APEH: variants seen among roughly 807,000 people sequenced by gnomAD.
APEH encodes acylaminoacyl-peptide hydrolase.
A neutral mutation model predicts 102.7 loss-of-function variants in APEH; 75 were observed. That is an observed-to-expected ratio of 0.73 (90% CI 0.61 to 0.89). The LOEUF (loss-of-function observed/expected upper bound fraction) is 0.89, where lower values mean the gene tolerates loss of function less well. Among genes scored for constraint, APEH ranks in the 40% least tolerant of loss-of-function variants. APEH has a pLI of 0.00. For missense variants in APEH, 863 were observed against 941.2 expected (o/e 0.92, Z 1.09); for synonymous variants, 344 against 362.7 (o/e 0.95, Z 0.59).
At chr3:49,678,970 TGAG>T in intron 12 of APEH, 21 bp downstream of exon 12, 1 of 1,602,806 alleles carries the variant, frequency 6.2e-7, no homozygotes, top group South Asian at 1.1e-5. Flanking sequence ...CTGATTGTGT[TGAG>T]GGGCAGCCCC....
chr3:49,675,129 C>CA, intron 2 of APEH, 54 bp from the exon 3 acceptor site: 5 of 1,610,634 alleles, frequency 3.1e-6, no homozygotes, highest in Non-Finnish European at 4.2e-6. Context: ...GGGCTGGGGG[C>CA]AGTAGCCAGG....
chr3:49,682,496 A>G, intron 18 of APEH, 50 bp from the exon 19 acceptor site: 1 of 1,612,818 alleles, frequency 6.2e-7, no homozygotes. Context: ...GGATGCCTCC[A>G]TTCAGCTGAG....
upstream of APEH, chr3:49,674,174 AC>A (rs2052900306): frequency 1.8e-6 from 1 of 565,644 alleles, no homozygotes. Context: ...CCCTGGCGAG[AC>A]CCCTGCTCTC....
At chr3:49,674,337 C>T (rs1380497472), upstream of APEH, 30 of 1,522,380 alleles carry the variant, frequency 2.0e-5, no homozygotes, top group South Asian at 3.4e-4. Flanking sequence ...CCAGGCTCCG[C>T]CCCCGGAAGC....
chr3:49,679,611 A>G lies in APEH; in HGVS notation c.1177A>G (p.Thr393Ala), dbSNP rs2108124224. The G allele has an allele frequency of 6.2e-7, 1 of 1,613,864 alleles. No individual in the cohort carries two copies. Among genetic ancestry groups the G allele is most frequent in the Non-Finnish European group, 8.5e-7 (1 of 1,179,844 alleles). ...RSRQDLFAVD[T>A]QVGTVTSLTA... ...GCTTCAGGACCTGTTTGCTGTGGAC[A>G]CCCAAGTGGGCACTGTGACCTCCCT... The change falls in exon 13 of 22, where the codon ACC becomes GCC. Residue 393 changes from threonine to alanine, a missense_variant. By Grantham distance (58) the Thr-to-Ala change is moderately conservative. Transcript: ENST00000296456. This position sits in a 1 kb window ranked among gnomAD's most constrained non-coding sequence, Gnocchi z 4.3.
rs536215574 is a variant in APEH, at chr3:49,683,902, G to C, written c.*560G>C. The C allele has an allele frequency of 1.3e-5, 18 of 1,431,356 alleles. No homozygotes were observed. In the South Asian group the frequency reaches 2.5e-4, roughly 20 times the overall value. 88.7% of individuals were successfully genotyped at this position (1,431,356 alleles called of 1,614,324 possible). On this transcript the variant is annotated 3_prime_UTR_variant, in exon 22 of 22. Coordinates refer to ENST00000296456, the MANE Select transcript of APEH (RefSeq NM_001640.4). The stretch of plus-strand genomic sequence containing the variant: ...CTCAAGCCACCCGAGCCCTAGCAAG[G>C]AGTCACTGACACATTTCCTGGAAGC...
Position 49,683,912 on chromosome 3 carries a change from C to T in APEH, c.*570C>T, listed in dbSNP as rs1228311966. 1 of 1,481,504 alleles carries T rather than the reference C, an allele frequency of 6.7e-7. No individual in the cohort carries two copies. The highest frequency in any genetic ancestry group is 2.3e-5 in the East Asian group (1 of 43,834). 91.8% of individuals were successfully genotyped at this position (1,481,504 alleles called of 1,614,324 possible). On this transcript the variant is annotated 3_prime_UTR_variant, in exon 22 of 22. Coordinates refer to ENST00000296456, the MANE Select transcript of APEH (RefSeq NM_001640.4). ...CCGAGCCCTAGCAAGGAGTCACTGA[C>T]ACATTTCCTGGAAGCAAAGGCTAAG...
Position 49,683,040 on chromosome 3 carries a change from G to A in APEH, c.1987G>A (p.Val663Met). ...TCCCCACTCTTCCCCAAACACCCAGGTGAAGACACCACTGTTACTGATGTT... is the reference window on the plus strand; with the variant it reads ...TCCCCACTCTTCCCCAAACACCCAGATGAAGACACCACTGTTACTGATGTT... Reference protein sequence around the residue: ...DKSPIRYIPQVKTPLLLMLGQ... With the variant: ...DKSPIRYIPQMKTPLLLMLGQ... The change falls in exon 21 of 22, where the codon GTG becomes ATG. Residue 663 changes from valine (V) to methionine (M), a missense_variant and splice_region_variant. Transcript: ENST00000296456. 1 of 1,613,908 alleles carries A rather than the reference G, an allele frequency of 6.2e-7. No individual in the cohort carries two copies. Among genetic ancestry groups the A allele is most frequent in the Non-Finnish European group, 8.5e-7 (1 of 1,179,940 alleles).
At chr3:49,674,752 A>G in intron 2 of APEH, 131 bp downstream of exon 2, 2 of 1,257,152 alleles carry the variant, frequency 1.6e-6, no homozygotes, top group Non-Finnish European at 1.1e-6. Flanking sequence ...TGGAGGTTAC[A>G]CTCCCACAGG....
At chr3:49,678,381 G>A (rs1259372054) in intron 11 of APEH, among the ~76,000 whole-genome samples, 4 of 152,154 alleles carry the variant, frequency 2.6e-5, no homozygotes, top group Non-Finnish European at 5.9e-5. Flanking sequence ...CTTCATGGAG[G>A]GGTGATTGTG....
chr3:49,675,353 C>G (rs751160874), intron 3 of APEH, 44 bp downstream of exon 3: 2 of 1,607,648 alleles, frequency 1.2e-6, no homozygotes, highest in South Asian at 1.1e-5. Context: ...CACAGCCGTC[C>G]GCAATGCAAG....
At chr3:49,681,850 C>T (rs374905455) in intron 16 of APEH, 37 bp from the exon 17 acceptor site, 91 of 1,610,180 alleles carry the variant, frequency 5.7e-5, no homozygotes, top group Non-Finnish European at 7.6e-5. Flanking sequence ...AGCCCTCTTC[C>T]TAGCTGGCCC....
intron 15 of APEH, 61 bp from the exon 16 acceptor site, chr3:49,681,661 T>TG: frequency 7.2e-7 from 1 of 1,395,072 alleles, no homozygotes; most frequent in Non-Finnish European, 9.6e-7. Context: ...CAGCTAGAGA[T>TG]GGGGCCTTAG....
At chr3:49,674,142 G>C, upstream of APEH, 2 of 525,266 alleles carry the variant, frequency 3.8e-6, no homozygotes, top group Non-Finnish European at 6.7e-6. Context: ...CCACGGCCCC[G>C]CCCCCCACTT....
At chr3:49,678,710 C>T in intron 11 of APEH, 142 bp from the exon 12 acceptor site, 2 of 715,710 alleles carry the variant, frequency 2.8e-6, no homozygotes, top group Admixed American at 2.2e-5. Flanking sequence ...GTAGCGTGCC[C>T]CCATGTGTGC....
intron 11 of APEH, 57 bp downstream of exon 11, chr3:49,677,690 G>C (rs368189075): frequency 6.1e-6 from 9 of 1,483,746 alleles, no homozygotes; most frequent in Non-Finnish European, 8.5e-6. Flanking sequence ...CTTTCCTGCC[G>C]TCTGTTGCAT....
intron 20 of APEH, 40 bp from the exon 21 acceptor site, chr3:49,683,000 C>T: frequency 1.2e-6 from 2 of 1,611,224 alleles, no homozygotes; most frequent in Non-Finnish European, 1.7e-6. Flanking sequence ...AATCCAGGGC[C>T]CAGCTCAACA....
chr3:49,674,656 G>T, intron 2 of APEH, 35 bp downstream of exon 2: 1 of 1,582,004 alleles, frequency 6.3e-7, no homozygotes, highest in East Asian at 2.3e-5. Flanking sequence ...TGGCGACGGG[G>T]TCGCGCACTG....
chr3:49,673,196 T>G (rs1383563153), upstream of APEH, among the ~76,000 whole-genome samples: 2 of 142,966 alleles, frequency 1.4e-5, no homozygotes, highest in African/African-American at 5.3e-5. Flanking sequence ...GGACTCTCAA[T>G]CACAAGCACG....
Sources: gnomAD v4.1 joint callset for allele counts (sites outside exome capture counted in the v4.1 genomes callset) on GRCh38, gnomAD v4.1.1 for gene constraint, Gnocchi (gnomAD v3.1) non-coding constraint, MANE v1.5 for transcripts, NCBI Gene and HGNC (gene_info 2026-07-23, HGNC 2026-07-21) for gene names.